The following IQSEC1 variants were observed in gnomAD, a reference collection of about 807,000 sequenced individuals.
The protein encoded by IQSEC1 is IQ motif and Sec7 domain ArfGEF 1, also known as IQ motif and SEC7 domain-containing protein 1.
IQSEC1 carries 31 observed loss-of-function variants against 91.0 expected under a neutral mutation model. The observed-to-expected ratio is 0.34, with a 90% confidence interval of 0.26 to 0.46. The LOEUF (loss-of-function observed/expected upper bound fraction) is 0.46. IQSEC1 is among the 20% of genes least tolerant of loss of function. The probability of loss-of-function intolerance (pLI) is 1.00; values close to 1 mark genes in which losing one functional copy is unlikely to be tolerated. For synonymous variants in IQSEC1, 699 were observed against 662.6 expected, an observed-to-expected ratio of 1.05 and a Z score of -0.84; for missense variants, 1,388 against 1,575.6, an observed-to-expected ratio of 0.88 and a Z score of 2.02.
intron 2 of IQSEC1, among the ~76,000 whole-genome samples, chr3:13,143,118 T>C (rs1346296242): frequency 6.6e-6 from 1 of 152,074 alleles, no homozygotes; most frequent in Non-Finnish European, 1.5e-5. Context: ...GTCTGTGCAC[T>C]CCCTCTAGAG....
intron 1 of IQSEC1, among the ~76,000 whole-genome samples, chr3:13,049,631 C>G (rs360895): frequency 0.37 from 56,399 of 152,038 alleles, 11,465 homozygotes; most frequent in East Asian, 0.65. Context: ...AAATGTCAAC[C>G]CCTTTCTCTG....
chr3:13,046,386 C>T (rs1295532475), intron 1 of IQSEC1, among the ~76,000 whole-genome samples: 1 of 152,198 alleles, frequency 6.6e-6, no homozygotes, highest in Non-Finnish European at 1.5e-5. Flanking sequence ...GCTGCCAGTC[C>T]CTAGCTGGCT....
chr3:13,018,366 G>A (rs1576172893), intron 1 of IQSEC1, among the ~76,000 whole-genome samples: 1 of 152,226 alleles, frequency 6.6e-6, no homozygotes, highest in Non-Finnish European at 1.5e-5. Context: ...CAGGGCCAGG[G>A]CAGCCAAGGC....
intron 13 of IQSEC1, among the ~76,000 whole-genome samples, 158 bp downstream of exon 13, chr3:12,902,615 A>C (rs1694447949): frequency 6.9e-6 from 1 of 144,270 alleles, no homozygotes; most frequent in Admixed American, 7.3e-5. Context: ...GGGTGTCTGC[A>C]TCTCTGTGCA....
chr3:13,123,941 T>TA (rs1706468496), intron 2 of IQSEC1, among the ~76,000 whole-genome samples: 1 of 152,230 alleles, frequency 6.6e-6, no homozygotes, highest in African/African-American at 2.4e-5. Context: ...CTTTTGTAAA[T>TA]AAAGTTTTAT....
intron 1 of IQSEC1, among the ~76,000 whole-genome samples, chr3:12,984,740 G>C (rs184281751): frequency 1.3e-4 from 20 of 150,564 alleles, no homozygotes; most frequent in African/African-American, 4.9e-4. Flanking sequence ...AAGATCAAGA[G>C]AAAACATGTT....
rs574342363 is a variant in IQSEC1 at position 13,027,080 on chromosome 3, C to T, written c.23+45912G>A. Reference sequence around the variant, plus strand: ...CATGCAAGGCGCAGGAAGGCACATACACCGAGTTGGCCGAACTTCAAAACC... The same window carrying T: ...CATGCAAGGCGCAGGAAGGCACATATACCGAGTTGGCCGAACTTCAAAACC... On this transcript the variant is annotated intron_variant, in intron 1 of 13. Transcript: ENST00000613206. Among the ~76,000 whole-genome samples the T allele has an allele frequency of 9.8e-5, 15 of 152,326 alleles. No homozygotes were observed. In the South Asian group the frequency reaches 3.1e-3, roughly 32 times the overall value.
chr3:13,103,065 T>G lies in IQSEC1; in HGVS notation c.303-55543A>C, dbSNP rs1706091351. Among the ~76,000 whole-genome samples the G allele has an allele frequency of 1.3e-5, 2 of 151,994 alleles. No individual in the cohort carries two copies. Among genetic ancestry groups the G allele is most frequent in the South Asian group, 4.1e-4 (2 of 4,822 alleles). The stretch of plus-strand genomic sequence containing the variant: ...GGATGTCGGAAGGGACTCTGACTTC[T>G]GCGCAGGGATGCAGCTTGCTCCCAT... On this transcript the variant is annotated intron_variant, in intron 2 of 15. Transcript: ENST00000648114. The surrounding 1 kb of genome is among the most constrained non-coding windows in gnomAD (Gnocchi z 4.1).
chr3:12,966,096 GC>G (rs1700545403), intron 1 of IQSEC1, among the ~76,000 whole-genome samples: 1 of 152,168 alleles, frequency 6.6e-6, no homozygotes, highest in South Asian at 2.1e-4. Flanking sequence ...GACTATGAGG[GC>G]CGCGGGTGTG....
At chr3:13,079,392 A>G (rs59671840) in intron 2 of IQSEC1, among the ~76,000 whole-genome samples, 25,155 of 152,248 alleles carry the variant, frequency 0.17, 2,181 homozygotes, top group Non-Finnish European at 0.18. Context: ...AGGGAGCAGC[A>G]TGCCTTGGGC....
At position 12,990,463 on chromosome 3, in the gene IQSEC1, G is replaced by A. The variant is rs1242977773; in HGVS notation, c.24-48598C>T. On this transcript the variant is annotated intron_variant, in intron 1 of 13. Transcript: ENST00000613206. Reference sequence around the variant, plus strand: ...AGTTCACAGTCTGGAAGAAGAAATTGTGTAAGCACAACTGGATAAGGAATG... The same window carrying A: ...AGTTCACAGTCTGGAAGAAGAAATTATGTAAGCACAACTGGATAAGGAATG... Among the ~76,000 whole-genome samples the A allele has an allele frequency of 2.0e-5, 3 of 152,196 alleles. No individual in the cohort carries two copies. In the South Asian group the frequency reaches 6.2e-4, roughly 32 times the overall value.
rs531803361 is a variant in IQSEC1 at position 12,994,594 on chromosome 3, G to C, written c.24-52729C>G. ...GCCAAGTCCCCCGGCTCCTCCGAGG[G>C]AAAGCTGCAGCCCCGGCCGAAACGC... On this transcript the variant is annotated intron_variant, in intron 1 of 13. Coordinates refer to ENST00000613206, the MANE Select transcript of IQSEC1 (RefSeq NM_001134382.3). The surrounding 1 kb of genome is among the most constrained non-coding windows in gnomAD (Gnocchi z 4.5). Among the ~76,000 whole-genome samples, 3 of 152,220 alleles carry C rather than the reference G, an allele frequency of 2.0e-5. No individual in the cohort carries two copies. The highest frequency in any genetic ancestry group is 4.4e-5 in the Non-Finnish European group (3 of 67,996).
intron 1 of IQSEC1, among the ~76,000 whole-genome samples, chr3:13,276,080 CTTTTTTTT>C (rs796663192): frequency 0.042 from 3,348 of 79,474 alleles, 113 homozygotes; most frequent in African/African-American, 0.13. Flanking sequence ...CAAAAGCATT[CTTTTTTTT>C]TTTTTTTTTT....
At chr3:13,210,446 A>G (rs981150622) in intron 1 of IQSEC1, among the ~76,000 whole-genome samples, 1 of 151,942 alleles carries the variant, frequency 6.6e-6, no homozygotes, top group Non-Finnish European at 1.5e-5. Flanking sequence ...CCAAGCCCCC[A>G]CTGCCACCTC....
At position 12,900,832 on chromosome 3, in the gene IQSEC1, G is replaced by A. The variant is rs1420025686; in HGVS notation, c.*151C>T. 3 of 1,510,576 alleles carry A rather than the reference G, an allele frequency of 2.0e-6. No homozygotes were observed. The highest frequency in any genetic ancestry group is 1.8e-6 in the Non-Finnish European group (2 of 1,134,842). 93.6% of individuals were successfully genotyped at this position (1,510,576 alleles called of 1,614,324 possible). A position where few individuals can be genotyped will look rare whatever the true frequency, so the allele number is the denominator to read the frequency against. On this transcript the variant is annotated 3_prime_UTR_variant, in exon 14 of 14. Coordinates refer to ENST00000613206, the MANE Select transcript of IQSEC1 (RefSeq NM_001134382.3). ...TTGTTCCACACAACACCAGCCCTGTGGGCTCCTGGGGCTCCGGTTGGGCCG... is the reference window on the plus strand; with the variant it reads ...TTGTTCCACACAACACCAGCCCTGTAGGCTCCTGGGGCTCCGGTTGGGCCG...
At position 13,211,929 on chromosome 3, in the gene IQSEC1, G is replaced by A. The variant is rs924163898; in HGVS notation, c.273-47796C>T. On this transcript the variant is annotated intron_variant, in intron 1 of 15. Coordinates refer to the IQSEC1 transcript ENST00000648114. The surrounding 1 kb of genome is among the most constrained non-coding windows in gnomAD (Gnocchi z 5.3). ...TGGCCAGAGGACCCGAAACCCCCAC[G>A]GCCCTGTGTTTTTGAGCCCCTGTGG... Among the ~76,000 whole-genome samples the A allele has an allele frequency of 3.9e-5, 6 of 152,294 alleles. No individual in the cohort carries two copies. The highest frequency in any genetic ancestry group is 7.2e-5 in the African/African-American group (3 of 41,556).
At chr3:13,012,022 C>A (rs1335353099) in intron 1 of IQSEC1, among the ~76,000 whole-genome samples, 3 of 152,206 alleles carry the variant, frequency 2.0e-5, no homozygotes, top group Non-Finnish European at 4.4e-5. Context: ...GGGCATGAGG[C>A]ACCACCAGAG....
chr3:12,929,744 G>A (rs1231924872), intron 3 of IQSEC1, among the ~76,000 whole-genome samples: 5 of 152,162 alleles, frequency 3.3e-5, no homozygotes, highest in Non-Finnish European at 7.3e-5. Flanking sequence ...AGCATTAACA[G>A]GTGCTGCCTG....
At chr3:13,230,847 T>C (rs1297944992) in intron 1 of IQSEC1, among the ~76,000 whole-genome samples, 3 of 152,256 alleles carry the variant, frequency 2.0e-5, no homozygotes, top group Non-Finnish European at 4.4e-5. Flanking sequence ...GTTCTGCTGT[T>C]ACCCATTGGT....
Sources: gnomAD v4.1 joint callset for allele counts (sites outside exome capture counted in the v4.1 genomes callset) on GRCh38, gnomAD v4.1.1 for gene constraint, Gnocchi (gnomAD v3.1) non-coding constraint, MANE v1.5 for transcripts, NCBI Gene and HGNC (gene_info 2026-07-23, HGNC 2026-07-21) for gene names.